SLC25A13: variants seen among roughly 807,000 people sequenced by gnomAD.
SLC25A13 encodes the protein electrogenic aspartate/glutamate antiporter SLC25A13, mitochondrial.
SLC25A13 carries 70 observed loss-of-function variants against 85.5 expected under a neutral mutation model. That is an observed-to-expected ratio of 0.82 (90% CI 0.68 to 1.00). The LOEUF (loss-of-function observed/expected upper bound fraction) is 1.00, where lower values mean the gene tolerates loss of function less well. Ranked by LOEUF, SLC25A13 falls within the 50% of genes least tolerant of loss-of-function variation. The pLI is 0.00. For missense variants in SLC25A13, 765 were observed against 819.8 expected (o/e 0.93, Z 0.82); for synonymous variants, 259 against 288.7 (o/e 0.90, Z 1.04).
chr7:96,314,700 C>G (rs1800068670), intron 1 of SLC25A13, among the ~76,000 whole-genome samples: 1 of 152,138 alleles, frequency 6.6e-6, no homozygotes, highest in Admixed American at 6.5e-5. Flanking sequence ...ATGGTTCCCT[C>G]TAAGAATTCA....
At chr7:96,148,620 T>C (rs562253227) in intron 13 of SLC25A13, among the ~76,000 whole-genome samples, 3 of 152,330 alleles carry the variant, frequency 2.0e-5, no homozygotes, top group African/African-American at 4.8e-5. Flanking sequence ...GATTGTTTTA[T>C]GGGGGTAGAA....
chr7:96,200,851 T>C (rs1795230860), intron 5 of SLC25A13, among the ~76,000 whole-genome samples: 1 of 152,302 alleles, frequency 6.6e-6, no homozygotes, highest in Non-Finnish European at 1.5e-5. Context: ...AACAGCAAGC[T>C]AACACCACAA....
intron 4 of SLC25A13, among the ~76,000 whole-genome samples, chr7:96,221,510 A>G (rs989486865): frequency 1.3e-5 from 2 of 152,130 alleles, no homozygotes; most frequent in African/African-American, 4.8e-5. Context: ...CTGATTCTTC[A>G]CCACCTTCTC....
intron 2 of SLC25A13, among the ~76,000 whole-genome samples, chr7:96,278,187 G>A (rs998266524): frequency 1.3e-5 from 2 of 152,174 alleles, no homozygotes; most frequent in Non-Finnish European, 2.9e-5. Flanking sequence ...GGATCATGTG[G>A]TGTCCTTATG....
intron 4 of SLC25A13, among the ~76,000 whole-genome samples, chr7:96,215,921 G>A (rs1240454648): frequency 2.0e-5 from 3 of 152,162 alleles, no homozygotes; most frequent in African/African-American, 4.8e-5. Context: ...TTGGGAGGCC[G>A]AGATGGGCGG....
intron 1 of SLC25A13, chr7:96,306,733 T>C (rs1799759035): frequency 1.9e-6 from 2 of 1,050,360 alleles, no homozygotes; most frequent in African/African-American, 1.6e-5. Context: ...ATCTTCTCTT[T>C]TGTGCCCTTC....
chr7:96,317,703 C>T (rs1800180909), intron 1 of SLC25A13, among the ~76,000 whole-genome samples: 1 of 151,906 alleles, frequency 6.6e-6, no homozygotes, highest in African/African-American at 2.4e-5. Context: ...GAGAACTTAG[C>T]CCCCTGGAAT....
intron 1 of SLC25A13, among the ~76,000 whole-genome samples, chr7:96,312,173 G>A (rs1201260967): frequency 1.3e-5 from 2 of 152,200 alleles, no homozygotes; most frequent in Non-Finnish European, 2.9e-5. Flanking sequence ...CAGGCTGCCT[G>A]TGTTGAAATC....
intron 14 of SLC25A13, 34 bp downstream of exon 14, chr7:96,146,522 A>G (rs1432537681): frequency 6.2e-7 from 1 of 1,606,500 alleles, no homozygotes; most frequent in Non-Finnish European, 8.5e-7. Flanking sequence ...TGAGAAAGTA[A>G]TCAAATAAAT....
At chr7:96,199,758 A>G (rs1047030140) in intron 5 of SLC25A13, among the ~76,000 whole-genome samples, 2 of 151,944 alleles carry the variant, frequency 1.3e-5, no homozygotes, top group African/African-American at 4.8e-5. Context: ...ACCCATTCAG[A>G]CTGCTGTAGA....
intron 4 of SLC25A13, among the ~76,000 whole-genome samples, chr7:96,223,527 C>T (rs1393780837): frequency 2.0e-5 from 3 of 152,196 alleles, no homozygotes; most frequent in Non-Finnish European, 4.4e-5. Flanking sequence ...GTGGCTCACG[C>T]CTGTAATCCT....
intron 1 of SLC25A13, among the ~76,000 whole-genome samples, chr7:96,315,355 C>T (rs1174180777): frequency 6.6e-6 from 1 of 152,184 alleles, no homozygotes; most frequent in Non-Finnish European, 1.5e-5. Context: ...TCAGGCCACA[C>T]CCAAGTCCAA....
intron 1 of SLC25A13, among the ~76,000 whole-genome samples, chr7:96,315,615 A>G (rs1800100182): frequency 6.6e-6 from 1 of 152,220 alleles, no homozygotes. Flanking sequence ...ATCCAGCTCC[A>G]ACAAGATAAG....
In SLC25A13 at chr7:96,237,200, T is replaced by C. The variant is rs1184459132; in HGVS notation, c.213-2283A>G. On this transcript the variant is annotated intron_variant, in intron 3 of 17. Transcript: ENST00000265631. ...GTGTGACTCCTCTCCCCTTACTCAG[T>C]TGCCTGGCAATAAACTTTCTTGCTG... is the stretch of plus-strand genomic sequence containing the variant. Among the ~76,000 whole-genome samples the C allele has an allele frequency of 2.6e-5, 4 of 152,208 alleles. 1 individual carries two copies. Among genetic ancestry groups the C allele is most frequent in the African/African-American group, 7.2e-5 (3 of 41,458 alleles).
intron 17 of SLC25A13, 67 bp from the exon 18 acceptor site, chr7:96,121,444 T>C (rs1011852658): frequency 6.4e-7 from 1 of 1,558,750 alleles, no homozygotes. Flanking sequence ...AAAAATAACA[T>C]TCAAAACCTG....
intron 4 of SLC25A13, among the ~76,000 whole-genome samples, chr7:96,217,497 T>C (rs1350879956): frequency 2.0e-5 from 3 of 152,194 alleles, no homozygotes; most frequent in African/African-American, 7.2e-5. Context: ...GCCTGTTAAC[T>C]GATTAATAAA....
rs1462361448 is a variant in SLC25A13 at position 96,171,503 on chromosome 7, C to T, written c.1199G>A (p.Gly400Glu). 6.2e-7 allele frequency: 1 copy of T among 1,613,376 alleles called. No individual in the cohort carries two copies. Among genetic ancestry groups the T allele is most frequent in the Non-Finnish European group, 8.5e-7 (1 of 1,179,544 alleles). ...LYRGLLPQLL[G>E]VAPEKAIKLT... ...TTTTATGGCCTTCTCTGGGGCAACT[C>T]CCAATAACTGTGGCAACAGACCTAA... Residue 400 changes from glycine (G) to glutamate (E), a missense_variant, in exon 12 of 18, where the codon GGA becomes GAA. Transcript: ENST00000265631.
chr7:96,287,220 G>T (rs1195400111), intron 2 of SLC25A13, among the ~76,000 whole-genome samples: 1 of 152,172 alleles, frequency 6.6e-6, no homozygotes, highest in African/African-American at 2.4e-5. Flanking sequence ...AGCCAAGGCA[G>T]ATTTGGGTTG....
chr7:96,235,292 T>C (rs796475819), intron 3 of SLC25A13, among the ~76,000 whole-genome samples: 4 of 152,364 alleles, frequency 2.6e-5, no homozygotes, highest in African/African-American at 7.2e-5. Flanking sequence ...AACTTTGTTA[T>C]GCATTAGTAT....
Sources: gnomAD v4.1 joint callset for allele counts (sites outside exome capture counted in the v4.1 genomes callset) on GRCh38, gnomAD v4.1.1 for gene constraint, MANE v1.5 for transcripts, NCBI Gene and HGNC (gene_info 2026-07-23, HGNC 2026-07-21) for gene names.